Variants in ZNF385B observed in about 807,000 individuals in gnomAD.
ZNF385B encodes the protein zinc finger protein 533.
In ZNF385B, 23 loss-of-function variants were observed where a neutral mutation model predicts 39.2. That is an observed-to-expected ratio of 0.59 (90% confidence interval 0.42 to 0.83). The LOEUF (loss-of-function observed/expected upper bound fraction) is 0.83. Among genes scored for constraint, ZNF385B ranks in the 40% least tolerant of loss-of-function variants. The pLI is 0.00. For synonymous variants in ZNF385B, 205 were observed against 222.6 expected (o/e 0.92, Z 0.70); for missense variants, 552 against 598.9 (o/e 0.92, Z 0.82).
intron 5 of ZNF385B, among the ~76,000 whole-genome samples, chr2:179,484,024 G>C (rs971597115): frequency 1.3e-5 from 2 of 152,118 alleles, no homozygotes; most frequent in Non-Finnish European, 2.9e-5. Flanking sequence ...AAGCCACAAA[G>C]GAGGTAGGAA....
rs200504439 is a variant in ZNF385B, at chr2:179,483,318, G to T, written c.669C>A (p.Pro223=). ...CTGTGATTGGAGTGATGGAGCAGCT[G>T]GGATTAGCCTTTGCGCTGTCCTTGG... is the stretch of plus-strand genomic sequence containing the variant. ...VPSKDSAKAN[P]SCSITPITGN... is the part of the protein sequence containing the mutation. The change falls in exon 6 of 10, where the codon CCC becomes CCA. Residue 223 remains proline, a synonymous_variant. Transcript: ENST00000410066. 6.2e-7 allele frequency: 1 copy of T among 1,613,972 alleles called. No individual in the cohort carries two copies. The highest frequency in any genetic ancestry group is 1.1e-5 in the South Asian group (1 of 91,080).
intron 5 of ZNF385B, among the ~76,000 whole-genome samples, chr2:179,505,437 C>A (rs901516107): frequency 1.3e-5 from 2 of 151,966 alleles, no homozygotes; most frequent in African/African-American, 4.8e-5. Flanking sequence ...CTTTTCCATT[C>A]CTCTCAAATG....
chr2:179,859,358 AT>A (rs999597532), intron 1 of ZNF385B, among the ~76,000 whole-genome samples: 5 of 152,022 alleles, frequency 3.3e-5, no homozygotes, highest in African/African-American at 4.8e-5. Context: ...AAATATCAAC[AT>A]TTTTTTCAAT....
chr2:179,807,672 G>A (rs1254743471), intron 1 of ZNF385B, among the ~76,000 whole-genome samples: 1 of 151,920 alleles, frequency 6.6e-6, no homozygotes, highest in Non-Finnish European at 1.5e-5. Context: ...AAGGTGGGCG[G>A]ATCATAAGGT....
At position 179,769,664 on chromosome 2, in the gene ZNF385B, A is replaced by G. The variant is rs149514226; in HGVS notation, c.137T>C (p.Ile46Thr). 6 of 1,613,750 alleles carry G rather than the reference A, an allele frequency of 3.7e-6. No individual in the cohort carries two copies. Among genetic ancestry groups the G allele is most frequent in the Non-Finnish European group, 5.1e-6 (6 of 1,179,988 alleles). Residue 46 changes from isoleucine (I) to threonine (T), a missense_variant, in exon 3 of 10, where the codon ATT becomes ACT. Transcript: ENST00000410066. ...GCACACCTCACAGAAGGAGAAAAGAATTTTCTTTTTCTCTTTGCTCAACTG... is the reference window on the plus strand; with the variant it reads ...GCACACCTCACAGAAGGAGAAAAGAGTTTTCTTTTTCTCTTTGCTCAACTG... ...EDQLSKEKKK[I>T]LFSFCEVCNI...
chr2:179,844,677 A>G (rs1012482575), intron 1 of ZNF385B, among the ~76,000 whole-genome samples: 1 of 152,230 alleles, frequency 6.6e-6, no homozygotes, highest in Non-Finnish European at 1.5e-5. Context: ...TGATTCACTG[A>G]TACTGCAAAA....
intron 3 of ZNF385B, among the ~76,000 whole-genome samples, chr2:179,752,912 T>G (rs981394494): frequency 2.0e-5 from 3 of 152,188 alleles, no homozygotes; most frequent in Non-Finnish European, 2.9e-5. Flanking sequence ...TAGTTTCTTT[T>G]GCTGTGCAGA....
chr2:179,698,670 G>A (rs1698947478), intron 3 of ZNF385B, among the ~76,000 whole-genome samples: 1 of 152,128 alleles, frequency 6.6e-6, no homozygotes, highest in Non-Finnish European at 1.5e-5. Context: ...TTGAAAAGAG[G>A]AGTGATCATA....
chr2:179,455,583 C>T (rs550078537), intron 6 of ZNF385B, among the ~76,000 whole-genome samples: 70 of 152,076 alleles, frequency 4.6e-4, no homozygotes, highest in Non-Finnish European at 8.8e-4. Context: ...AAATAAACCT[C>T]TTTCGTTTAT....
chr2:179,543,129 A>T (rs1199201750), intron 4 of ZNF385B, among the ~76,000 whole-genome samples: 2 of 151,984 alleles, frequency 1.3e-5, no homozygotes, highest in Non-Finnish European at 2.9e-5. Context: ...AAAATTAGCC[A>T]GGTGTGGTGG....
chr2:179,844,163 G>C (rs948343935), intron 1 of ZNF385B, among the ~76,000 whole-genome samples: 1 of 152,126 alleles, frequency 6.6e-6, no homozygotes, highest in African/African-American at 2.4e-5. Context: ...CCTTAAAAAC[G>C]GACATCGATT....
At chr2:179,463,091 A>T (rs2051539924) in intron 6 of ZNF385B, among the ~76,000 whole-genome samples, 2 of 152,174 alleles carry the variant, frequency 1.3e-5, no homozygotes, top group Non-Finnish European at 2.9e-5. Flanking sequence ...TAAAGACATG[A>T]TTATATAAAA....
chr2:179,486,833 T>A (rs190719653), intron 5 of ZNF385B, among the ~76,000 whole-genome samples: 37 of 152,268 alleles, frequency 2.4e-4, no homozygotes, highest in Admixed American at 5.2e-4. Flanking sequence ...GGTGGATCAC[T>A]TGAGCCTGGG....
chr2:179,493,710 CAT>C (rs1413466813), intron 5 of ZNF385B, among the ~76,000 whole-genome samples: 4 of 51,674 alleles, frequency 7.7e-5, no homozygotes, highest in East Asian at 6.2e-4. Context: ...TATGTATACA[CAT>C]ATGCATATAC....
chr2:179,504,236 A>G (rs1334598216), intron 5 of ZNF385B, among the ~76,000 whole-genome samples: 1 of 152,110 alleles, frequency 6.6e-6, no homozygotes, highest in Non-Finnish European at 1.5e-5. Flanking sequence ...ATAGTAAACC[A>G]TGGTGTATAT....
chr2:179,564,248 G>A (rs1684290513), intron 3 of ZNF385B, among the ~76,000 whole-genome samples: 1 of 152,148 alleles, frequency 6.6e-6, no homozygotes, highest in Non-Finnish European at 1.5e-5. Flanking sequence ...GTGCAGGTAT[G>A]TACCAAGACC....
intron 6 of ZNF385B, among the ~76,000 whole-genome samples, chr2:179,482,647 T>A (rs1331082930): frequency 6.6e-6 from 1 of 152,252 alleles, no homozygotes; most frequent in Non-Finnish European, 1.5e-5. Flanking sequence ...AAAGGTCTTC[T>A]GTTAATCAGT....
intron 1 of ZNF385B, among the ~76,000 whole-genome samples, chr2:179,858,315 A>T (rs1044592636): frequency 3.9e-5 from 6 of 152,194 alleles, no homozygotes; most frequent in Non-Finnish European, 7.3e-5. Flanking sequence ...TAGGAGAAAG[A>T]TGTTAATTAG....
At chr2:179,530,137 C>G (rs1339269865) in intron 4 of ZNF385B, among the ~76,000 whole-genome samples, 1 of 152,126 alleles carries the variant, frequency 6.6e-6, no homozygotes, top group Non-Finnish European at 1.5e-5. Flanking sequence ...AGCTAAAAGA[C>G]AGTAAACAGT....
Sources: allele counts gnomAD v4.1 joint callset (sites outside exome capture counted in the v4.1 genomes callset), GRCh38; gene constraint gnomAD v4.1.1; transcripts MANE v1.5; gene names NCBI Gene and HGNC (gene_info 2026-07-23, HGNC 2026-07-21).